SH3RF3: variants seen among roughly 807,000 people sequenced by gnomAD.
The protein encoded by SH3RF3 is E3 ubiquitin-protein ligase SH3RF3.
Under a neutral mutation model 66.3 loss-of-function variants are expected in SH3RF3, and 29 were observed. That is an observed-to-expected ratio of 0.44 (90% CI 0.33 to 0.60). The LOEUF is 0.60. SH3RF3 is among the 20% of genes least tolerant of loss of function. The pLI, the probability that SH3RF3 is intolerant of heterozygous loss-of-function variation, is 0.04. For synonymous variants in SH3RF3, 583 were observed against 532.0 expected, an observed-to-expected ratio of 1.10 and a Z score of -1.32; for missense variants, 1,194 against 1,190.9, an observed-to-expected ratio of 1.00 and a Z score of -0.04.
At chr2:109,155,501 C>T (rs1047045181) in intron 1 of SH3RF3, among the ~76,000 whole-genome samples, 3 of 152,102 alleles carry the variant, frequency 2.0e-5, no homozygotes, top group Admixed American at 6.5e-5. Flanking sequence ...TGGGGTTTCA[C>T]GGTGTTAGCC....
At chr2:109,166,840 C>T (rs1387485303) in intron 1 of SH3RF3, among the ~76,000 whole-genome samples, 1 of 152,154 alleles carries the variant, frequency 6.6e-6, no homozygotes, top group Non-Finnish European at 1.5e-5. Context: ...TATAATCCCC[C>T]ATATATGATT....
intron 1 of SH3RF3, among the ~76,000 whole-genome samples, chr2:109,216,279 T>C (rs964591173): frequency 2.6e-5 from 4 of 152,202 alleles, no homozygotes; most frequent in African/African-American, 9.6e-5. Context: ...TAGCCCTGAC[T>C]TAAAGGGAAG....
chr2:109,376,114 A>C (rs1683375883), intron 3 of SH3RF3, among the ~76,000 whole-genome samples: 1 of 152,170 alleles, frequency 6.6e-6, no homozygotes, highest in African/African-American at 2.4e-5. Flanking sequence ...TGGTGGTGTA[A>C]ATGTTTGTGG....
chr2:109,349,810 C>A (rs1277457939), intron 2 of SH3RF3, among the ~76,000 whole-genome samples: 2 of 152,224 alleles, frequency 1.3e-5, no homozygotes, highest in East Asian at 1.9e-4. Flanking sequence ...CTGTCATCAC[C>A]ATATAACCTG....
chr2:109,249,818 G>A (rs866839136), intron 1 of SH3RF3, among the ~76,000 whole-genome samples: 120 of 151,336 alleles, frequency 7.9e-4, no homozygotes, highest in South Asian at 1.7e-3. Context: ...CACCGCGCCC[G>A]GCTAATTTTT....
intron 1 of SH3RF3, among the ~76,000 whole-genome samples, chr2:109,219,121 G>GCA (rs1679168510): frequency 6.6e-6 from 1 of 152,178 alleles, no homozygotes; most frequent in Admixed American, 6.5e-5. Flanking sequence ...CTGGCTTTGT[G>GCA]GAGTTCCACC....
chr2:109,466,361 G>A (rs112638765), intron 8 of SH3RF3, among the ~76,000 whole-genome samples: 2,464 of 152,268 alleles, frequency 0.016, 70 homozygotes, highest in African/African-American at 0.057. Context: ...GATTATAGGC[G>A]TGAGTCCTGC....
At chr2:109,263,757 G>T (rs1189901868) in intron 1 of SH3RF3, among the ~76,000 whole-genome samples, 1 of 152,172 alleles carries the variant, frequency 6.6e-6, no homozygotes, top group Non-Finnish European at 1.5e-5. Context: ...ATGAGGTCAG[G>T]AGATTGAGAT....
rs867082061 is a variant in SH3RF3 at position 109,437,018 on chromosome 2, G to A, written c.1700G>A (p.Arg567Lys). ...GSLSSLATAT[R>K]PALPITTPQA... ...CTGAGCAGCCTGGCCACTGCCACCA[G>A]GCCCGCCCTGCCCATCACCACTCCC... The change falls in exon 7 of 10, where the codon AGG becomes AAG. Residue 567 changes from arginine to lysine, a missense_variant. Transcript: ENST00000309415. 6.2e-7 allele frequency: 1 copy of A among 1,613,774 alleles called. No individual in the cohort carries two copies. The highest frequency in any genetic ancestry group is 1.3e-5 in the African/African-American group (1 of 74,942).
chr2:109,249,851 A>C (rs55750720), intron 1 of SH3RF3, among the ~76,000 whole-genome samples: 5,813 of 150,960 alleles, frequency 0.039, 364 homozygotes, highest in African/African-American at 0.13. Context: ...TTATTTTTTA[A>C]TTTTTTTATT....
chr2:109,227,859 C>T (rs1221347230), intron 1 of SH3RF3, among the ~76,000 whole-genome samples: 7 of 152,222 alleles, frequency 4.6e-5, no homozygotes, highest in East Asian at 1.9e-4. Flanking sequence ...TCGGTCGCTC[C>T]GCCTTTCATC....
rs1395847464 is a variant in SH3RF3 at position 109,501,706 on chromosome 2, G to A, written c.*35G>A. 3 of 727,266 alleles carry A rather than the reference G, an allele frequency of 4.1e-6. No individual in the cohort carries two copies. Among genetic ancestry groups the A allele is most frequent in the African/African-American group, 3.5e-5 (2 of 57,810 alleles). 45.1% of individuals were successfully genotyped at this position (727,266 alleles called of 1,614,324 possible). On this transcript the variant is annotated 3_prime_UTR_variant, in exon 10 of 10. Transcript: ENST00000309415. Reference sequence around the variant, plus strand: ...CTCCCTGCACCCAGCTCACAGAGGGGGAGGCCGCCTGGGAAGCTCCACGGC... The same window carrying A: ...CTCCCTGCACCCAGCTCACAGAGGGAGAGGCCGCCTGGGAAGCTCCACGGC...
At chr2:109,440,380 A>G (rs77055458) in intron 7 of SH3RF3, among the ~76,000 whole-genome samples, 3,175 of 152,346 alleles carry the variant, frequency 0.021, 44 homozygotes, top group Middle Eastern at 0.058. Flanking sequence ...CCCGCAGTGA[A>G]GCCGAAAAGC....
At chr2:109,451,063 GC>G (rs1349760766) in intron 8 of SH3RF3, among the ~76,000 whole-genome samples, 1 of 152,182 alleles carries the variant, frequency 6.6e-6, no homozygotes, top group Non-Finnish European at 1.5e-5. Context: ...GCAGACATGG[GC>G]CACACCAGGT....
intron 1 of SH3RF3, among the ~76,000 whole-genome samples, chr2:109,150,798 C>T (rs568127522): frequency 3.4e-4 from 51 of 152,180 alleles, no homozygotes; most frequent in African/African-American, 1.2e-3. Context: ...ACCTCCTTAT[C>T]AGGCTGTTCA....
chr2:109,139,948 G>T (rs1290371180), intron 1 of SH3RF3, among the ~76,000 whole-genome samples: 7 of 152,200 alleles, frequency 4.6e-5, no homozygotes, highest in African/African-American at 1.7e-4. Context: ...GCAGATGGAG[G>T]CTGTTTGTCT....
rs1677095856 is a variant in SH3RF3 at position 109,428,429 on chromosome 2, A to T, written c.1404-4072A>T. Among the ~76,000 whole-genome samples, 3 of 152,346 alleles carry T rather than the reference A, an allele frequency of 2.0e-5. No individual in the cohort carries two copies. The South Asian group carries it at 6.2e-4, about 32-fold the overall frequency. On this transcript the variant is annotated intron_variant, in intron 5 of 9. Coordinates refer to ENST00000309415, the MANE Select transcript of SH3RF3 (RefSeq NM_001099289.3). ...TTCAACAGGCTGCACGTGAAAGCAG[A>T]CACATGCCATGCCCAGCTGGGTCAG...
intron 1 of SH3RF3, among the ~76,000 whole-genome samples, chr2:109,231,131 C>G (rs1446657931): frequency 6.6e-6 from 1 of 152,248 alleles, no homozygotes; most frequent in Non-Finnish European, 1.5e-5. Context: ...CTAGCATGGA[C>G]TTAGTGACCC....
chr2:109,441,249 GTCAA>G (rs1475911450), intron 7 of SH3RF3, among the ~76,000 whole-genome samples: 2 of 151,960 alleles, frequency 1.3e-5, no homozygotes, highest in African/African-American at 4.8e-5. Context: ...GAAGGGATCA[GTCAA>G]TCAATCAAAA....
Sources: gnomAD v4.1 joint callset for allele counts (sites outside exome capture counted in the v4.1 genomes callset) on GRCh38, gnomAD v4.1.1 for gene constraint, MANE v1.5 for transcripts, NCBI Gene and HGNC (gene_info 2026-07-23, HGNC 2026-07-21) for gene names.